Variants in DMXL2 observed in about 807,000 individuals in gnomAD.
DMXL2 encodes the protein Dmx like 2.
In DMXL2, 103 loss-of-function variants were observed where a neutral mutation model predicts 331.1. That is an observed-to-expected ratio of 0.31 (90% CI 0.27 to 0.37). DMXL2 has a LOEUF of 0.37. DMXL2 is among the 10% of genes least tolerant of loss of function. The probability of loss-of-function intolerance (pLI) is 1.00; values close to 1 mark genes in which losing one functional copy is unlikely to be tolerated. For missense variants in DMXL2, 3,171 were observed against 3,642.9 expected, an observed-to-expected ratio of 0.87 and a Z score of 3.33; for synonymous variants, 1,281 against 1,252.1, an observed-to-expected ratio of 1.02 and a Z score of -0.49.
At chr15:51,513,308 T>C (rs552169601) in intron 15 of DMXL2, among the ~76,000 whole-genome samples, 1 of 152,326 alleles carries the variant, frequency 6.6e-6, no homozygotes, top group Admixed American at 6.5e-5. Flanking sequence ...CAGCTACATT[T>C]GTTGGAAACC....
At chr15:51,457,288 G>A (rs774134706) in intron 37 of DMXL2, 40 bp downstream of exon 37, 1 of 1,595,968 alleles carries the variant, frequency 6.3e-7, no homozygotes. Context: ...ATTTTTCAGA[G>A]TCCAAATCCA....
rs373436908 is a variant in DMXL2 at position 51,498,537 on chromosome 15, A to C, written c.4672+15T>G. 23 of 1,590,858 alleles carry C rather than the reference A, an allele frequency of 1.4e-5. No homozygotes were observed. The African/African-American group carries it at 3.1e-4, about 22-fold the overall frequency. On this transcript the variant is annotated intron_variant, in intron 18 of 43. Coordinates refer to ENST00000560891, the MANE Select transcript of DMXL2 (RefSeq NM_001378457.1). ...ATTAGGTACAACTTTATAAATTTTT[A>C]GCGAGAATATTTACCTGAGCAACTC... is the stretch of plus-strand genomic sequence containing the variant.
At chr15:51,515,960 T>G (rs1445362715) in intron 14 of DMXL2, among the ~76,000 whole-genome samples, 3 of 152,158 alleles carry the variant, frequency 2.0e-5, no homozygotes, top group African/African-American at 7.2e-5. Context: ...AGTTAAGCAT[T>G]TCCCAGGAGG....
chr15:51,540,141 TCA>T (rs1264380239), intron 9 of DMXL2, among the ~76,000 whole-genome samples: 1 of 152,190 alleles, frequency 6.6e-6, no homozygotes, highest in Non-Finnish European at 1.5e-5. Flanking sequence ...TAACAAATAT[TCA>T]GACTGTGAGA....
At chr15:51,516,707 T>C (rs1327192085) in intron 14 of DMXL2, among the ~76,000 whole-genome samples, 1 of 152,230 alleles carries the variant, frequency 6.6e-6, no homozygotes, top group Non-Finnish European at 1.5e-5. Flanking sequence ...GAACTAGTAG[T>C]GAATTCTGAG....
intron 18 of DMXL2, among the ~76,000 whole-genome samples, chr15:51,496,664 A>G (rs148558352): frequency 6.6e-5 from 10 of 152,376 alleles, no homozygotes; most frequent in African/African-American, 1.9e-4. Flanking sequence ...TAAAGCAGTT[A>G]GGAGATGACA....
chr15:51,608,952 T>C (rs2141380606), intron 1 of DMXL2, among the ~76,000 whole-genome samples: 1 of 152,226 alleles, frequency 6.6e-6, no homozygotes, highest in South Asian at 2.1e-4. Context: ...CTCTGTAAAA[T>C]AATAATGTCT....
At chr15:51,489,233 G>A (rs1049516819) in intron 20 of DMXL2, among the ~76,000 whole-genome samples, 3 of 152,166 alleles carry the variant, frequency 2.0e-5, no homozygotes, top group African/African-American at 7.2e-5. Flanking sequence ...AAATCATTAA[G>A]TTGAAAGGCA....
At chr15:51,457,237 T>A in intron 37 of DMXL2, 91 bp downstream of exon 37, 1 of 1,379,318 alleles carries the variant, frequency 7.2e-7, no homozygotes, top group African/African-American at 1.5e-5. Flanking sequence ...TGTTTGTCCC[T>A]GAAATTTAGG....
rs1448577694 is a variant in DMXL2, at chr15:51,490,127, A to G, written c.4953+1451T>C. ...CATTTTTTAGTTGGTGCAGGAATGA[A>G]TTCCTTCTTATATCTGTGCTTATTT... is the stretch of plus-strand genomic sequence containing the variant. On this transcript the variant is annotated intron_variant, in intron 20 of 43. Coordinates refer to ENST00000560891, the MANE Select transcript of DMXL2 (RefSeq NM_001378457.1). Among the ~76,000 whole-genome samples, 7 of 152,340 alleles carry G rather than the reference A, an allele frequency of 4.6e-5. No individual in the cohort carries two copies. The East Asian group carries it at 1.3e-3, about 29-fold the overall frequency.
chr15:51,481,248 G>A lies in DMXL2; in HGVS notation c.5858C>T (p.Ser1953Leu). ...DGNGSSGIEWSNVTSSQYDWS... is the reference protein window; with the variant it reads ...DGNGSSGIEWLNVTSSQYDWS... Reference sequence around the variant, plus strand: ...GTCATACTGTGATGAAGTTACATTTGACCATTCAATGCCAGAACTTCCATT... The same window carrying A: ...GTCATACTGTGATGAAGTTACATTTAACCATTCAATGCCAGAACTTCCATT... Residue 1953 changes from serine to leucine, a missense_variant, in exon 24 of 44, where the codon TCA becomes TTA. By Grantham distance (145) the Ser-to-Leu change is moderately radical. Around this residue, in one of 7 missense-constraint regions of DMXL2, gnomAD observed 244 missense variants for 251.4 expected, o/e 0.97. Coordinates refer to ENST00000560891, the MANE Select transcript of DMXL2 (RefSeq NM_001378457.1). The A allele has an allele frequency of 6.2e-7, 1 of 1,613,838 alleles. No homozygotes were observed. Among genetic ancestry groups the A allele is most frequent in the Non-Finnish European group, 8.5e-7 (1 of 1,179,906 alleles).
At chr15:51,512,897 C>T (rs1050469908) in intron 15 of DMXL2, among the ~76,000 whole-genome samples, 1 of 151,298 alleles carries the variant, frequency 6.6e-6, no homozygotes, top group African/African-American at 2.4e-5. Flanking sequence ...CTTTAACCTA[C>T]ATTATGGGAA....
intron 17 of DMXL2, among the ~76,000 whole-genome samples, chr15:51,502,009 T>C (rs762829371): frequency 6.6e-6 from 1 of 150,760 alleles, no homozygotes; most frequent in Non-Finnish European, 1.5e-5. Flanking sequence ...GGTGGGTGGA[T>C]CACGAGGTCA....
rs1370767254 is a variant in DMXL2, at chr15:51,579,671, A to T, written c.88-3490T>A. The stretch of plus-strand genomic sequence containing the variant: ...CTAGAAACTTAGTCAAAGAACTTGG[A>T]GTTGAAACACTGACACTGCCTTGTT... On this transcript the variant is annotated intron_variant, in intron 1 of 43. Transcript: ENST00000560891. Among the ~76,000 whole-genome samples, 7 of 152,178 alleles carry T rather than the reference A, an allele frequency of 4.6e-5. No homozygotes were observed. The South Asian group carries it at 6.2e-4, about 13-fold the overall frequency.
intron 30 of DMXL2, among the ~76,000 whole-genome samples, chr15:51,465,965 A>G (rs898571009): frequency 1.3e-5 from 2 of 152,202 alleles, no homozygotes; most frequent in African/African-American, 4.8e-5. Context: ...TCCTCACTAA[A>G]GATGCTTGTG....
chr15:51,576,292 G>A, intron 1 of DMXL2, 111 bp from the exon 2 acceptor site: 3 of 806,484 alleles, frequency 3.7e-6, no homozygotes, highest in Non-Finnish European at 5.3e-6. Flanking sequence ...AGTATACCTT[G>A]GGACATTTTA....
chr15:51,589,988 C>T (rs2052168010), intron 1 of DMXL2, among the ~76,000 whole-genome samples: 1 of 152,194 alleles, frequency 6.6e-6, no homozygotes, highest in Non-Finnish European at 1.5e-5. Context: ...TATGCTTTAT[C>T]ATGTCAAATG....
At chr15:51,470,295 C>T (rs923283808) in intron 29 of DMXL2, among the ~76,000 whole-genome samples, 1 of 152,034 alleles carries the variant, frequency 6.6e-6, no homozygotes, top group Non-Finnish European at 1.5e-5. Flanking sequence ...AGCACTGCAC[C>T]TACGTTTTAA....
At chr15:51,452,294 TTAAAC>T (rs2039216073) in intron 41 of DMXL2, among the ~76,000 whole-genome samples, 1 of 152,012 alleles carries the variant, frequency 6.6e-6, no homozygotes, top group Admixed American at 6.6e-5. Flanking sequence ...TGGGACCTAA[TTAAAC>T]TAAAACACTT....
Sources: allele counts gnomAD v4.1 joint callset (sites outside exome capture counted in the v4.1 genomes callset), GRCh38; gene constraint gnomAD v4.1.1; regional missense constraint gnomAD v4.1.1; transcripts MANE v1.5; gene names NCBI Gene and HGNC (gene_info 2026-07-23, HGNC 2026-07-21).